The following NYAP2 variants were observed in gnomAD, a reference collection of about 807,000 sequenced individuals.
NYAP2 encodes neuronal tyrosine-phosphorylated phosphoinositide-3-kinase adaptor 2.
Under a neutral mutation model 50.4 loss-of-function variants are expected in NYAP2, and 23 were observed. The ratio of observed to expected loss-of-function variants is 0.46; its 90% CI spans 0.33 to 0.65. NYAP2 has a LOEUF of 0.65. NYAP2 is among the 30% of genes least tolerant of loss of function. NYAP2 has a pLI of 0.02. For synonymous variants in NYAP2, 394 were observed against 365.2 expected, an observed-to-expected ratio of 1.08 and a Z score of -0.90; for missense variants, 885 against 861.0, an observed-to-expected ratio of 1.03 and a Z score of -0.35.
chr2:225,668,248 G>A, the NYAP2 span, among the ~76,000 whole-genome samples: 13 of 151,614 alleles, frequency 8.6e-5, no homozygotes, highest in Non-Finnish European at 4.4e-5. Context: ...TTGTTCTCTT[G>A]TGATTAGATT....
chr2:225,487,558 C>T lies in NYAP2; in HGVS notation c.222-25813C>T, dbSNP rs150656779. 8.4e-3 allele frequency among the ~76,000 whole-genome samples: 1,277 copies of T among 152,158 alleles called. 18 individuals carry two copies. The highest frequency in any genetic ancestry group is 0.029 in the African/African-American group (1,199 of 41,500). ...TATTTTTAGTAGAGACAGGGTTTCA[C>T]CGTGTTGGCCAGGCTGGTCTTGAAC... On this transcript the variant is annotated intron_variant, in intron 3 of 6. Transcript: ENST00000636099.
chr2:225,491,170 C>T (rs888411651), intron 3 of NYAP2, among the ~76,000 whole-genome samples: 2 of 152,132 alleles, frequency 1.3e-5, no homozygotes, highest in Non-Finnish European at 2.9e-5. Flanking sequence ...TTCCTGGCTA[C>T]AGAAGGGGAA....
At chr2:225,445,602 T>A (rs1689539628) in intron 3 of NYAP2, among the ~76,000 whole-genome samples, 1 of 152,058 alleles carries the variant, frequency 6.6e-6, no homozygotes, top group South Asian at 2.1e-4. Context: ...ATCACTAAGA[T>A]GTGATTTATG....
At chr2:225,408,676 G>A (rs761917473) in intron 2 of NYAP2, among the ~76,000 whole-genome samples, 188 bp from the exon 3 acceptor site, 1 of 152,130 alleles carries the variant, frequency 6.6e-6, no homozygotes, top group Middle Eastern at 3.4e-3. Flanking sequence ...TTGAGAGAAG[G>A]TTTGCTATTC....
At position 225,597,260 on chromosome 2, in the gene NYAP2, T is replaced by A. The variant is rs556171789; in HGVS notation, c.1618+14225T>A. On this transcript the variant is annotated intron_variant, in intron 5 of 6. Transcript: ENST00000636099. ...TGCCTATCACCTAAGCAGTATACAT[T>A]GTACCCAATTTGTAGTCTTTTTATC... 4.0e-5 allele frequency among the ~76,000 whole-genome samples: 6 copies of A among 151,742 alleles called. No homozygotes were observed. The East Asian group carries it at 1.2e-3, about 30-fold the overall frequency.
intron 3 of NYAP2, among the ~76,000 whole-genome samples, chr2:225,458,372 A>AATT (rs1301002926): frequency 6.6e-6 from 1 of 152,192 alleles, no homozygotes; most frequent in East Asian, 1.9e-4. Context: ...TTTAGTTTTA[A>AATT]TATTTCAAAA....
Position 225,583,045 on chromosome 2 carries a change from C to G in NYAP2, c.1618+10C>G. On this transcript the variant is annotated intron_variant, in intron 5 of 6. Coordinates refer to ENST00000636099, the Ensembl canonical transcript of NYAP2. ...AAAGAGCCTGCAGAGAGTAAGTGTG[C>G]AGGGCCTGCCTGAGCCCCAGAGCCC... 6.2e-7 allele frequency: 1 copy of G among 1,604,420 alleles called. No homozygotes were observed. The highest frequency in any genetic ancestry group is 8.5e-7 in the Non-Finnish European group (1 of 1,175,298).
chr2:225,627,503 G>A (rs1693230524), intron 6 of NYAP2, among the ~76,000 whole-genome samples: 2 of 151,980 alleles, frequency 1.3e-5, no homozygotes, highest in African/African-American at 2.4e-5. Flanking sequence ...AATATTTTGG[G>A]CAACTGATAA....
chr2:225,476,672 A>T (rs973954954), intron 3 of NYAP2, among the ~76,000 whole-genome samples: 2 of 152,180 alleles, frequency 1.3e-5, no homozygotes, highest in Admixed American at 6.5e-5. Context: ...ATGGATTTCC[A>T]TTGTGTAAAT....
chr2:225,683,769 A>C, the NYAP2 span, among the ~76,000 whole-genome samples: 3 of 152,168 alleles, frequency 2.0e-5, no homozygotes, highest in African/African-American at 7.2e-5. Context: ...ATATAAAAGC[A>C]GCAAGGAAGG....
chr2:225,531,255 G>T (rs1310513695), intron 4 of NYAP2, among the ~76,000 whole-genome samples: 2 of 152,154 alleles, frequency 1.3e-5, no homozygotes, highest in Non-Finnish European at 2.9e-5. Context: ...AACCATGCTT[G>T]TTCCTGCCTC....
chr2:225,565,785 A>G (rs907522242), intron 4 of NYAP2, among the ~76,000 whole-genome samples: 1 of 152,210 alleles, frequency 6.6e-6, no homozygotes, highest in African/African-American at 2.4e-5. Context: ...GTTGAGCTCA[A>G]CAAGGCTTCG....
chr2:225,519,008 A>T (rs1252914996), intron 4 of NYAP2, among the ~76,000 whole-genome samples: 1 of 152,002 alleles, frequency 6.6e-6, no homozygotes, highest in African/African-American at 2.4e-5. Context: ...ACTGAGTGAG[A>T]CTCTGTATCA....
At chr2:225,679,138 A>G in the NYAP2 span, among the ~76,000 whole-genome samples, 1 of 152,186 alleles carries the variant, frequency 6.6e-6, no homozygotes, top group Non-Finnish European at 1.5e-5. Flanking sequence ...TATGGACACA[A>G]TAACAATTGC....
At chr2:225,527,003 G>C (rs552981201) in intron 4 of NYAP2, among the ~76,000 whole-genome samples, 1 of 152,038 alleles carries the variant, frequency 6.6e-6, no homozygotes, top group Non-Finnish European at 1.5e-5. Flanking sequence ...TTTTCTAAAC[G>C]TACCCTGAGG....
intron 6 of NYAP2, among the ~76,000 whole-genome samples, chr2:225,649,169 T>C (rs1221998569): frequency 6.6e-6 from 1 of 152,158 alleles, no homozygotes; most frequent in African/African-American, 2.4e-5. Flanking sequence ...GTGTCTGGTG[T>C]TTTTCTATGA....
intron 4 of NYAP2, among the ~76,000 whole-genome samples, chr2:225,523,059 T>A (rs1320885233): frequency 2.6e-5 from 4 of 152,086 alleles, no homozygotes; most frequent in African/African-American, 9.7e-5. Flanking sequence ...TTGGGGAACT[T>A]ACAGGTTTCC....
In NYAP2 at chr2:225,582,259, A is replaced by T; in HGVS notation, c.842A>T (p.Gln281Leu). 2 of 1,614,026 alleles carry T rather than the reference A, an allele frequency of 1.2e-6. No individual in the cohort carries two copies. Among genetic ancestry groups the T allele is most frequent in the Non-Finnish European group, 8.5e-7 (1 of 1,179,890 alleles). ...TACCCTATCTTTGACGACTTGGGCCAAGACGCCAAATGTGACTTCGACCAT... is the reference window on the plus strand; with the variant it reads ...TACCCTATCTTTGACGACTTGGGCCTAGACGCCAAATGTGACTTCGACCAT... Residue 281 changes from glutamine to leucine, a missense_variant, in exon 5 of 7, where the codon CAA becomes CTA. By Grantham distance (113) the Gln-to-Leu change is moderately radical. Transcript: ENST00000636099. The surrounding 1 kb of genome is among the most constrained non-coding windows in gnomAD (Gnocchi z 7.0).
chr2:225,476,100 A>G (rs1365987442), intron 3 of NYAP2, among the ~76,000 whole-genome samples: 1 of 152,224 alleles, frequency 6.6e-6, no homozygotes, highest in Non-Finnish European at 1.5e-5. Flanking sequence ...GAGGCAGATT[A>G]GTCTTAATAG....
Sources: allele counts gnomAD v4.1 joint callset (sites outside exome capture counted in the v4.1 genomes callset), GRCh38; gene constraint gnomAD v4.1.1; non-coding constraint Gnocchi (gnomAD v3.1); transcripts MANE v1.5; gene names NCBI Gene and HGNC (gene_info 2026-07-23, HGNC 2026-07-21).